Variants in GALNTL6 observed in about 807,000 individuals in gnomAD.
GALNTL6 encodes polypeptide N-acetylgalactosaminyltransferase like 6, also known as polypeptide N-acetylgalactosaminyltransferase-like 6.
A neutral mutation model predicts 73.7 loss-of-function variants in GALNTL6; 46 were observed. The observed-to-expected ratio is 0.62, with a 90% CI of 0.49 to 0.80. GALNTL6 has a LOEUF of 0.80. GALNTL6 is among the 30% of genes least tolerant of loss of function. The probability of loss-of-function intolerance (pLI) is 0.00; values close to 1 mark genes in which losing one functional copy is unlikely to be tolerated. For missense variants in GALNTL6, 604 were observed against 755.0 expected (o/e 0.80, Z 2.34); for synonymous variants, 259 against 263.7 (o/e 0.98, Z 0.17).
chr4:172,212,526 G>T (rs887622664), intron 2 of GALNTL6, among the ~76,000 whole-genome samples: 1 of 152,096 alleles, frequency 6.6e-6, no homozygotes, highest in Non-Finnish European at 1.5e-5. Flanking sequence ...AATGGATTTT[G>T]AGAAATGCAG....
intron 5 of GALNTL6, among the ~76,000 whole-genome samples, chr4:172,589,916 A>G (rs1473950432): frequency 6.6e-6 from 1 of 152,046 alleles, no homozygotes; most frequent in Non-Finnish European, 1.5e-5. Flanking sequence ...TAATGGACCA[A>G]TTTTTTACTC....
intron 2 of GALNTL6, among the ~76,000 whole-genome samples, chr4:172,105,682 A>G (rs2110969258): frequency 6.6e-6 from 1 of 152,274 alleles, no homozygotes; most frequent in Admixed American, 6.5e-5. Context: ...AAATATGATG[A>G]AATAATTCCT....
rs1285904207 is a variant in GALNTL6 at position 172,034,395 on chromosome 4, CGTGCGTGTGTGTGTGTGTGT to C, written c.139-195257_139-195238del. Among the ~76,000 whole-genome samples, 935 of 139,692 alleles carry C rather than the reference CGTGCGTGTGTGTGTGTGTGT, an allele frequency of 6.7e-3. 13 individuals carry two copies. The highest frequency in any genetic ancestry group is 0.02 in the African/African-American group (759 of 37,382). The allele number at this position is 139,692 out of a possible 152,430, so 91.6% of individuals were successfully genotyped here. On this transcript the variant is annotated intron_variant, in intron 2 of 12. Coordinates refer to ENST00000506823, the MANE Select transcript of GALNTL6 (RefSeq NM_001034845.3). The stretch of plus-strand genomic sequence containing the variant: ...TCTATTCTTCCTTAAGGGGAGCGTG[CGTGCGTGTGTGTGTGTGTGT>C]GTGTGTGTGTGTGTGTGTGTGTGTG...
intron 5 of GALNTL6, among the ~76,000 whole-genome samples, chr4:172,782,830 G>A (rs187738013): frequency 2.1e-4 from 32 of 152,026 alleles, no homozygotes; most frequent in African/African-American, 7.2e-4. Flanking sequence ...AAAACTGTGT[G>A]CTTAATGAGA....
chr4:172,013,646 G>A (rs9637708), intron 2 of GALNTL6, among the ~76,000 whole-genome samples: 99,395 of 151,882 alleles, frequency 0.65, 34,911 homozygotes, highest in Admixed American at 0.78. Context: ...AATGTGTAAT[G>A]ATCACATCAG....
At chr4:172,602,688 T>C (rs1290163612) in intron 5 of GALNTL6, among the ~76,000 whole-genome samples, 1 of 152,136 alleles carries the variant, frequency 6.6e-6, no homozygotes, top group Non-Finnish European at 1.5e-5. Flanking sequence ...GGCAGCTTCT[T>C]TAAATATATG....
At chr4:171,827,126 G>A (rs1734845603) in intron 2 of GALNTL6, among the ~76,000 whole-genome samples, 2 of 152,078 alleles carry the variant, frequency 1.3e-5, no homozygotes, top group South Asian at 4.1e-4. Flanking sequence ...CTTTATATAG[G>A]CAGAGATAAA....
chr4:172,842,031 G>T (rs1005718712), intron 7 of GALNTL6, among the ~76,000 whole-genome samples: 6 of 152,238 alleles, frequency 3.9e-5, no homozygotes, highest in South Asian at 2.1e-4. Flanking sequence ...GTTAGGCCAG[G>T]CTTGGTTATT....
At chr4:172,661,159 C>T (rs1731346999) in intron 5 of GALNTL6, among the ~76,000 whole-genome samples, 1 of 152,200 alleles carries the variant, frequency 6.6e-6, no homozygotes, top group Admixed American at 6.5e-5. Flanking sequence ...GCAGATTACC[C>T]TCCATAATGT....
intron 4 of GALNTL6, among the ~76,000 whole-genome samples, chr4:172,324,793 T>C (rs1361907745): frequency 6.6e-6 from 1 of 150,900 alleles, no homozygotes; most frequent in Admixed American, 6.6e-5. Flanking sequence ...AATATGCAAA[T>C]ATTTAGAAAT....
intron 2 of GALNTL6, among the ~76,000 whole-genome samples, chr4:171,839,137 G>A (rs1307294401): frequency 6.6e-6 from 1 of 151,968 alleles, no homozygotes; most frequent in Non-Finnish European, 1.5e-5. Flanking sequence ...GATGTGAGGA[G>A]GCACAGGTAA....
intron 5 of GALNTL6, among the ~76,000 whole-genome samples, chr4:172,398,487 C>G (rs1561064826): frequency 6.6e-6 from 1 of 152,140 alleles, no homozygotes; most frequent in Non-Finnish European, 1.5e-5. Flanking sequence ...TAGATTTAAT[C>G]CGTTAGAGAC....
intron 5 of GALNTL6, among the ~76,000 whole-genome samples, chr4:172,658,645 G>A (rs1326985414): frequency 1.3e-5 from 2 of 152,186 alleles, no homozygotes; most frequent in African/African-American, 2.4e-5. Flanking sequence ...CATCGAATTA[G>A]CCACCACTGC....
chr4:172,121,400 C>T (rs1733148153), intron 2 of GALNTL6, among the ~76,000 whole-genome samples: 1 of 151,910 alleles, frequency 6.6e-6, no homozygotes, highest in Non-Finnish European at 1.5e-5. Flanking sequence ...CATGGCCTTC[C>T]CCAGCTCTAT....
intron 2 of GALNTL6, among the ~76,000 whole-genome samples, chr4:171,867,836 T>A (rs1736011685): frequency 6.6e-6 from 1 of 152,204 alleles, no homozygotes. Context: ...CTCACTACTA[T>A]GCTCATTCAC....
At chr4:173,021,654 C>G (rs1752996046) in intron 12 of GALNTL6, 29 bp downstream of exon 12, 3 of 1,608,462 alleles carry the variant, frequency 1.9e-6, no homozygotes, top group Admixed American at 3.4e-5. Flanking sequence ...TGGTCATTCT[C>G]AAATTACTGT....
chr4:172,669,386 A>G (rs758448382), intron 5 of GALNTL6, among the ~76,000 whole-genome samples: 5 of 152,322 alleles, frequency 3.3e-5, no homozygotes, highest in East Asian at 1.9e-4. Flanking sequence ...ATATTCACAT[A>G]TGCATCGTCT....
At chr4:172,224,874 G>T (rs1212157966) in intron 2 of GALNTL6, among the ~76,000 whole-genome samples, 1 of 152,088 alleles carries the variant, frequency 6.6e-6, no homozygotes, top group East Asian at 1.9e-4. Flanking sequence ...CATCTGAAAG[G>T]ATGTTAGTTT....
At chr4:172,836,717 TC>T (rs1176250019) in intron 7 of GALNTL6, among the ~76,000 whole-genome samples, 1 of 152,226 alleles carries the variant, frequency 6.6e-6, no homozygotes, top group East Asian at 1.9e-4. Flanking sequence ...TTGAAAACCT[TC>T]ATGTCTCATG....
Sources: allele counts gnomAD v4.1 joint callset (sites outside exome capture counted in the v4.1 genomes callset), GRCh38; gene constraint gnomAD v4.1.1; transcripts MANE v1.5; gene names NCBI Gene and HGNC (gene_info 2026-07-23, HGNC 2026-07-21).